BLTP1: variants seen among roughly 807,000 people sequenced by gnomAD.
The protein encoded by BLTP1 is bridge-like lipid transfer protein family member 1.
chr4:122,301,136 CTA>C, the BLTP1 span: 1 of 705,998 alleles, frequency 1.4e-6, no homozygotes, highest in Non-Finnish European at 1.7e-6. Context: ...AGAATTATCC[CTA>C]TCTTTCATAT....
the BLTP1 span, chr4:122,359,340 T>C: frequency 1.0e-6 from 1 of 970,374 alleles, no homozygotes; most frequent in South Asian, 4.8e-5. Flanking sequence ...AAGTCAATGA[T>C]CTCAGCATTT....
At chr4:122,322,289 T>G in the BLTP1 span, among the ~76,000 whole-genome samples, 21 of 151,950 alleles carry the variant, frequency 1.4e-4, no homozygotes, top group Non-Finnish European at 2.2e-4. Flanking sequence ...TCAAATATCC[T>G]TTCCTCAGCC....
the BLTP1 span, among the ~76,000 whole-genome samples, chr4:122,172,798 T>G: frequency 6.6e-6 from 1 of 152,150 alleles, no homozygotes; most frequent in Admixed American, 6.5e-5. Flanking sequence ...GTTTATTAAC[T>G]AAAACAGTAC....
chr4:122,302,501 C>T, the BLTP1 span, among the ~76,000 whole-genome samples: 5 of 152,012 alleles, frequency 3.3e-5, no homozygotes, highest in South Asian at 2.1e-4. Context: ...GATGTTGCTG[C>T]GGGAATTGTT....
At chr4:122,232,533 G>A in the BLTP1 span, among the ~76,000 whole-genome samples, 2 of 152,084 alleles carry the variant, frequency 1.3e-5, no homozygotes, top group East Asian at 1.9e-4. Context: ...CTGGAACCTG[G>A]GAGGCGGAGG....
the BLTP1 span, among the ~76,000 whole-genome samples, chr4:122,164,827 GCTT>G: frequency 1.3e-4 from 20 of 151,688 alleles, no homozygotes; most frequent in Middle Eastern, 3.4e-3. Flanking sequence ...GAAATGTAAA[GCTT>G]CTTCTTGTGT....
chr4:122,276,781 GA>G, the BLTP1 span: 40 of 971,778 alleles, frequency 4.1e-5, no homozygotes, highest in Non-Finnish European at 4.9e-5. Context: ...TCTTGTGGAA[GA>G]AAAAAGTGTA....
At chr4:122,185,751 ACT>A in the BLTP1 span, among the ~76,000 whole-genome samples, 1 of 152,096 alleles carries the variant, frequency 6.6e-6, no homozygotes. Flanking sequence ...TTTAAGTGGT[ACT>A]TTACTGTTCT....
chr4:122,219,078 T>C, the BLTP1 span: 6 of 903,510 alleles, frequency 6.6e-6, no homozygotes, highest in Non-Finnish European at 7.9e-6. Context: ...AAGGTTTTGC[T>C]GTAATTGGGG....
the BLTP1 span, chr4:122,325,376 A>G: frequency 1.9e-6 from 3 of 1,540,382 alleles, no homozygotes; most frequent in South Asian, 2.4e-5. Context: ...TTTACAAATT[A>G]CAAAATTATG....
chr4:122,313,687 G>A, the BLTP1 span: 1 of 1,535,600 alleles, frequency 6.5e-7, no homozygotes, highest in Non-Finnish European at 8.9e-7. Context: ...AGCAGCAGCT[G>A]GTAGGTTCAC....
At chr4:122,337,632 T>C in the BLTP1 span, among the ~76,000 whole-genome samples, 2 of 151,986 alleles carry the variant, frequency 1.3e-5, no homozygotes, top group Non-Finnish European at 2.9e-5. Flanking sequence ...AACCCTTTTT[T>C]AAGCATTTTA....
chr4:122,189,006 C>T, the BLTP1 span: 6 of 984,818 alleles, frequency 6.1e-6, no homozygotes, highest in Middle Eastern at 1.0e-3. Context: ...AGATCATGGA[C>T]TTGGTTAAGA....
the BLTP1 span, chr4:122,201,823 TATCCATCC>T: frequency 3.1e-6 from 3 of 962,074 alleles, no homozygotes; most frequent in Non-Finnish European, 3.7e-6. Flanking sequence ...TTGCTACATT[TATCCATCC>T]ATCCATCCAT....
the BLTP1 span, among the ~76,000 whole-genome samples, chr4:122,268,122 G>C: frequency 1.3e-5 from 2 of 152,022 alleles, no homozygotes; most frequent in African/African-American, 4.8e-5. Context: ...TTACTTTTGT[G>C]ACATTGACAG....
the BLTP1 span, among the ~76,000 whole-genome samples, chr4:122,219,962 C>A: frequency 6.6e-6 from 1 of 152,070 alleles, no homozygotes; most frequent in Admixed American, 6.5e-5. Context: ...TCTGGCTTGA[C>A]CCTGGGGGTT....
At chr4:122,166,859 G>A in the BLTP1 span, among the ~76,000 whole-genome samples, 1 of 152,198 alleles carries the variant, frequency 6.6e-6, no homozygotes, top group South Asian at 2.1e-4. Flanking sequence ...GTTCACTCAT[G>A]ATTTGGCTCT....
At chr4:122,244,041 C>T in the BLTP1 span, 3 of 1,561,776 alleles carry the variant, frequency 1.9e-6, no homozygotes, top group Non-Finnish European at 2.6e-6. Context: ...TTGATTTTGT[C>T]TAGAAATACA....
the BLTP1 span, chr4:122,185,364 G>T: frequency 1.0e-6 from 1 of 985,064 alleles, no homozygotes; most frequent in Non-Finnish European, 1.2e-6. Context: ...GGTAACAAAA[G>T]AAAGCATTGA....
Sources: gnomAD v4.1 joint callset for allele counts (sites outside exome capture counted in the v4.1 genomes callset) on GRCh38, gnomAD v4.1.1 for gene constraint, MANE v1.5 for transcripts, NCBI Gene and HGNC (gene_info 2026-07-23, HGNC 2026-07-21) for gene names.